Variants in NBAS observed in about 807,000 individuals in gnomAD.
NBAS encodes NBAS subunit of NRZ tethering complex.
A neutral mutation model predicts 302.5 loss-of-function variants in NBAS; 219 were observed. The ratio of observed to expected loss-of-function variants is 0.72; its 90% CI spans 0.65 to 0.81. The LOEUF is 0.81. NBAS is among the 30% of genes least tolerant of loss of function. The pLI is 0.00. For synonymous variants in NBAS, 1,118 were observed against 1,021.6 expected (o/e 1.09, Z -1.80); for missense variants, 2,932 against 2,841.6 (o/e 1.03, Z -0.72).
At chr2:15,380,189 G>A (rs993182807) in intron 29 of NBAS, among the ~76,000 whole-genome samples, 4 of 152,160 alleles carry the variant, frequency 2.6e-5, no homozygotes, top group African/African-American at 9.6e-5. Context: ...ACTCTCAACA[G>A]GGCCCATTTT....
chr2:15,229,799 GAA>G lies in NBAS; in HGVS notation c.6236+2621_6236+2622del, dbSNP rs571083427. Reference sequence around the variant, plus strand: ...CTCCACGTAAAAAAAAAAAAGAAAAGAAAAAAAAAGAGGACGTGAAAAATGGC... The same window carrying G: ...CTCCACGTAAAAAAAAAAAAGAAAAGAAAAAAAGAGGACGTGAAAAATGGC... On this transcript the variant is annotated intron_variant, in intron 47 of 51. Transcript: ENST00000281513. Among the ~76,000 whole-genome samples, 766 of 147,654 alleles carry G rather than the reference GAA, an allele frequency of 5.2e-3. 3 individuals carry two copies. Among genetic ancestry groups the G allele is most frequent in the Non-Finnish European group, 8.5e-3 (564 of 66,678 alleles).
the NBAS span, among the ~76,000 whole-genome samples, chr2:15,017,980 T>C: frequency 2.4e-4 from 36 of 152,074 alleles, no homozygotes; most frequent in African/African-American, 8.2e-4. Flanking sequence ...ATGAAATTCT[T>C]ACATTCATAA....
chr2:14,973,980 T>C, the NBAS span, among the ~76,000 whole-genome samples: 2 of 152,168 alleles, frequency 1.3e-5, no homozygotes, highest in South Asian at 2.1e-4. Context: ...TCATTCTCAT[T>C]CTTCAAGACC....
At chr2:15,397,529 C>A in intron 26 of NBAS, 1 of 599,264 alleles carries the variant, frequency 1.7e-6, no homozygotes, top group Non-Finnish European at 3.1e-6. Context: ...ATATCAATTC[C>A]TGACTATTTT....
chr2:15,534,736 C>G, intron 8 of NBAS, 95 bp from the exon 9 acceptor site: 3 of 961,700 alleles, frequency 3.1e-6, no homozygotes, highest in Non-Finnish European at 5.1e-6. Context: ...AAAAGACAGA[C>G]AATACCAAAT....
At chr2:15,046,299 T>C in the NBAS span, among the ~76,000 whole-genome samples, 1 of 152,226 alleles carries the variant, frequency 6.6e-6, no homozygotes, top group African/African-American at 2.4e-5. Context: ...TTGAATGAGA[T>C]ACAAATCTAT....
At chr2:15,145,479 T>C in the NBAS span, among the ~76,000 whole-genome samples, 2 of 151,892 alleles carry the variant, frequency 1.3e-5, no homozygotes, top group Non-Finnish European at 2.9e-5. Flanking sequence ...GGAAAGCTTT[T>C]ATTATGGTTT....
chr2:14,812,148 C>A, the NBAS span, among the ~76,000 whole-genome samples: 2 of 152,180 alleles, frequency 1.3e-5, no homozygotes, highest in African/African-American at 4.8e-5. Context: ...GCTCTATAGG[C>A]TAGGGGCCTC....
At chr2:15,314,953 C>G (rs929536638) in intron 38 of NBAS, among the ~76,000 whole-genome samples, 2 of 152,104 alleles carry the variant, frequency 1.3e-5, no homozygotes, top group African/African-American at 4.8e-5. Context: ...CTAGAACAAT[C>G]AAAACTAATC....
Position 15,546,535 on chromosome 2 carries a change from C to G in NBAS, c.379+4958G>C, listed in dbSNP as rs867193755. On this transcript the variant is annotated intron_variant, in intron 6 of 51. Coordinates refer to ENST00000281513, the MANE Select transcript of NBAS (RefSeq NM_015909.4). Reference sequence around the variant, plus strand: ...TTTGATGTCAGGATTTCGAGACCAGCCTGACCAACATGGTGAAACCCCGAC... The same window carrying G: ...TTTGATGTCAGGATTTCGAGACCAGGCTGACCAACATGGTGAAACCCCGAC... 1.2e-4 allele frequency among the ~76,000 whole-genome samples: 19 copies of G among 152,192 alleles called. No individual in the cohort carries two copies. The Middle Eastern group carries it at 0.01, about 82-fold the overall frequency.
intron 25 of NBAS, among the ~76,000 whole-genome samples, chr2:15,406,469 C>T (rs73200603): frequency 0.013 from 1,906 of 152,108 alleles, 35 homozygotes; most frequent in African/African-American, 0.043. Context: ...TAGAAGAAAA[C>T]GTGAGAGAAT....
At chr2:15,060,858 C>A in the NBAS span, among the ~76,000 whole-genome samples, 1 of 152,104 alleles carries the variant, frequency 6.6e-6, no homozygotes, top group Non-Finnish European at 1.5e-5. Context: ...AAGGGAGGCA[C>A]AAGCCTCACT....
At chr2:15,176,397 G>A (rs756596172) in intron 51 of NBAS, among the ~76,000 whole-genome samples, 3 of 152,098 alleles carry the variant, frequency 2.0e-5, no homozygotes, top group Non-Finnish European at 4.4e-5. Context: ...AGATCCTTGT[G>A]TCTGGTACCT....
chr2:15,431,013 A>G (rs1477970180), intron 21 of NBAS, among the ~76,000 whole-genome samples: 1 of 151,470 alleles, frequency 6.6e-6, no homozygotes, highest in Non-Finnish European at 1.5e-5. Flanking sequence ...CACCATATCA[A>G]TCAGGCTGGT....
intron 3 of NBAS, 58 bp downstream of exon 3, chr2:15,556,725 G>A: frequency 1.4e-6 from 2 of 1,417,532 alleles, no homozygotes; most frequent in Non-Finnish European, 2.0e-6. Flanking sequence ...ATCATATATA[G>A]AACAATATTG....
the NBAS span, among the ~76,000 whole-genome samples, chr2:15,091,419 C>T: frequency 6.6e-6 from 1 of 152,184 alleles, no homozygotes; most frequent in Non-Finnish European, 1.5e-5. Flanking sequence ...GGATAAAGAC[C>T]TTTATGAAGA....
chr2:15,250,320 G>C (rs1278915095), intron 44 of NBAS, among the ~76,000 whole-genome samples: 1 of 152,094 alleles, frequency 6.6e-6, no homozygotes, highest in African/African-American at 2.4e-5. Flanking sequence ...ACTCAAGATG[G>C]ATTAAAGACT....
At chr2:15,551,572 C>G in intron 5 of NBAS, 36 bp from the exon 6 acceptor site, 3 of 1,539,300 alleles carry the variant, frequency 1.9e-6, no homozygotes, top group Non-Finnish European at 2.7e-6. Context: ...AAAGTTTTAT[C>G]GTAACACTGT....
intron 51 of NBAS, among the ~76,000 whole-genome samples, chr2:15,169,636 C>T (rs540526882): frequency 9.2e-5 from 14 of 152,170 alleles, no homozygotes; most frequent in Admixed American, 5.2e-4. Context: ...GCCCGTGTCT[C>T]GGCCTAGTTT....
Sources: allele counts gnomAD v4.1 joint callset (sites outside exome capture counted in the v4.1 genomes callset), GRCh38; gene constraint gnomAD v4.1.1; transcripts MANE v1.5; gene names NCBI Gene and HGNC (gene_info 2026-07-23, HGNC 2026-07-21).